The following MGST1 variants were observed in gnomAD, a reference collection of about 807,000 sequenced individuals.
MGST1 encodes the protein microsomal glutathione S-transferase 1.
MGST1 carries 5 observed loss-of-function variants against 8.9 expected under a neutral mutation model. The ratio of observed to expected loss-of-function variants is 0.56; its 90% CI spans 0.29 to 1.19. The LOEUF is 1.19. MGST1 is among the 50% of genes most tolerant of loss of function. The probability of loss-of-function intolerance (pLI) is 0.08; values close to 1 mark genes in which losing one functional copy is unlikely to be tolerated. For synonymous variants in MGST1, 54 were observed against 67.8 expected, an observed-to-expected ratio of 0.80 and a Z score of 1.00; for missense variants, 182 against 187.4, an observed-to-expected ratio of 0.97 and a Z score of 0.17.
chr12:16,444,182 G>GTTTTTT (rs1410059091), intron 4 of MGST1, among the ~76,000 whole-genome samples: 7 of 135,058 alleles, frequency 5.2e-5, no homozygotes, highest in Admixed American at 3.8e-4. Context: ...TGGCTGATTT[G>GTTTTTT]GTTTTTTTTT....
chr12:16,494,490 C>A (rs1591744618), intron 4 of MGST1, among the ~76,000 whole-genome samples: 1 of 152,114 alleles, frequency 6.6e-6, no homozygotes, highest in Admixed American at 6.6e-5. Flanking sequence ...CCTGGACTAA[C>A]AAACAGAAAT....
intron 1 of MGST1, chr12:16,399,865 A>C (rs935618943): frequency 4.0e-6 from 5 of 1,235,764 alleles, no homozygotes; most frequent in South Asian, 3.6e-5. Flanking sequence ...TTACCATATC[A>C]AAGTTCTTCA....
rs527783026 is a variant in MGST1, at chr12:16,459,268, T to A, written n.482+75664T>A. ...TTTTAAATCTCAAGAAGTGTGGGTA[T>A]AATAATATCATCACCTAAGAAACTT... On this transcript the variant is annotated intron_variant and non_coding_transcript_variant, in intron 4 of 4. Coordinates refer to the MGST1 transcript ENST00000538857. Among the ~76,000 whole-genome samples, 24 of 152,230 alleles carry A rather than the reference T, an allele frequency of 1.6e-4. No individual in the cohort carries two copies. In the South Asian group the frequency reaches 5.0e-3, roughly 32 times the overall value.
intron 4 of MGST1, among the ~76,000 whole-genome samples, chr12:16,506,335 A>G (rs187520453): frequency 5.3e-5 from 8 of 152,304 alleles, no homozygotes; most frequent in Admixed American, 5.2e-4. Flanking sequence ...TGAATATTTT[A>G]TAATGGGCAG....
intron 4 of MGST1, among the ~76,000 whole-genome samples, chr12:16,563,197 T>TGGAGA (rs1479033013): frequency 4.6e-5 from 7 of 152,154 alleles, no homozygotes; most frequent in African/African-American, 1.4e-4. Context: ...AGACTGAGTG[T>TGGAGA]GGAGATGCGG....
chr12:16,566,318 C>G (rs185758024), intron 4 of MGST1, among the ~76,000 whole-genome samples: 25 of 151,606 alleles, frequency 1.6e-4, no homozygotes, highest in Admixed American at 7.2e-4. Flanking sequence ...GAAATAAGTT[C>G]TGGTGTTCTG....
intron 4 of MGST1, among the ~76,000 whole-genome samples, chr12:16,545,689 T>C (rs1404664879): frequency 2.0e-5 from 3 of 152,086 alleles, no homozygotes; most frequent in African/African-American, 7.2e-5. Flanking sequence ...GAATCCTCTA[T>C]TCTTGGTACC....
At chr12:16,540,274 ATTTAT>A (rs1268321013) in intron 4 of MGST1, among the ~76,000 whole-genome samples, 1 of 151,908 alleles carries the variant, frequency 6.6e-6, no homozygotes, top group Non-Finnish European at 1.5e-5. Context: ...GATTGGCATA[ATTTAT>A]TTTATTTTTT....
In MGST1 at chr12:16,547,663, C is replaced by A. The variant is rs932365569; in HGVS notation, n.483-41865C>A. 3.3e-5 allele frequency among the ~76,000 whole-genome samples: 5 copies of A among 152,110 alleles called. No individual in the cohort carries two copies. Among genetic ancestry groups the A allele is most frequent in the Admixed American group, 6.5e-5 (1 of 15,270 alleles). ...TCAATTAAACTAATGACTATTAAATCTCTGCTTTCTATTACCTTAAATTAC... is the reference window on the plus strand; with the variant it reads ...TCAATTAAACTAATGACTATTAAATATCTGCTTTCTATTACCTTAAATTAC... On this transcript the variant is annotated intron_variant and non_coding_transcript_variant, in intron 4 of 4. Coordinates refer to the MGST1 transcript ENST00000538857. The surrounding 1 kb of genome is among the most constrained non-coding windows in gnomAD (Gnocchi z 4.6).
intron 4 of MGST1, among the ~76,000 whole-genome samples, chr12:16,471,735 C>A (rs1941290499): frequency 6.6e-6 from 1 of 152,122 alleles, no homozygotes; most frequent in Admixed American, 6.5e-5. Context: ...AAGAAAAATT[C>A]TATGCTGGGT....
At chr12:16,441,022 C>A (rs1206186844), downstream of MGST1, among the ~76,000 whole-genome samples, 1 of 151,712 alleles carries the variant, frequency 6.6e-6, no homozygotes, top group Non-Finnish European at 1.5e-5. Context: ...CTTTGGTAAA[C>A]CACCTCTTTA....
intron 4 of MGST1, among the ~76,000 whole-genome samples, chr12:16,489,680 G>T (rs1941426143): frequency 6.6e-6 from 1 of 152,108 alleles, no homozygotes; most frequent in African/African-American, 2.4e-5. Flanking sequence ...ATGTCTTGTT[G>T]AACATCATAT....
rs1477314631 is a variant in MGST1 at position 16,516,622 on chromosome 12, T to C, written n.483-72906T>C. On this transcript the variant is annotated intron_variant and non_coding_transcript_variant, in intron 4 of 4. Transcript: ENST00000538857. ...AAATTCTGTGGGCCCACATCACGAA[T>C]CTTGAGGTCAGAATATATCTAGAAT... Among the ~76,000 whole-genome samples, 3 of 152,130 alleles carry C rather than the reference T, an allele frequency of 2.0e-5. No individual in the cohort carries two copies. In the East Asian group the frequency reaches 5.8e-4, roughly 29 times the overall value.
chr12:16,414,452 G>GT (rs907317527), intron 1 of MGST1, among the ~76,000 whole-genome samples: 1 of 132,008 alleles, frequency 7.6e-6, no homozygotes, highest in African/African-American at 2.9e-5. Flanking sequence ...GTCTTGCTCT[G>GT]TTGCCCAGGC....
At chr12:16,575,212 T>C (rs1002591220) in intron 4 of MGST1, among the ~76,000 whole-genome samples, 3 of 152,178 alleles carry the variant, frequency 2.0e-5, no homozygotes, top group Non-Finnish European at 2.9e-5. Flanking sequence ...AATTCATAAA[T>C]AAACCCATAT....
chr12:16,428,742 G>C (rs1940914555), intron 1 of MGST1, among the ~76,000 whole-genome samples: 1 of 151,806 alleles, frequency 6.6e-6, no homozygotes, highest in Non-Finnish European at 1.5e-5. Context: ...TATGTCAGAT[G>C]GTTAAAAAGC....
At chr12:16,448,554 G>T (rs1370669168) in intron 4 of MGST1, among the ~76,000 whole-genome samples, 1 of 151,808 alleles carries the variant, frequency 6.6e-6, no homozygotes, top group Non-Finnish European at 1.5e-5. Flanking sequence ...CAAAAATATG[G>T]TTGAAAGCAA....
chr12:16,388,291 A>G (rs1383840091), intron 1 of MGST1, among the ~76,000 whole-genome samples: 1 of 151,622 alleles, frequency 6.6e-6, no homozygotes, highest in Non-Finnish European at 1.5e-5. Context: ...TAAAAATGGT[A>G]TACTTGTATA....
rs117134772 is a variant in MGST1 at position 16,529,351 on chromosome 12, A to T, written n.483-60177A>T. 1.3e-3 allele frequency among the ~76,000 whole-genome samples: 196 copies of T among 152,140 alleles called. 3 individuals carry two copies. In the East Asian group the frequency reaches 0.032, roughly 25 times the overall value. On this transcript the variant is annotated intron_variant and non_coding_transcript_variant, in intron 4 of 4. Coordinates refer to the MGST1 transcript ENST00000538857. ...TCTGCGAATTTAAGTGCCAAAAATA[A>T]TTATTGACTTATTTTGTGCCTTCTC... is the stretch of plus-strand genomic sequence containing the variant.
Sources: gnomAD v4.1 joint callset for allele counts (sites outside exome capture counted in the v4.1 genomes callset) on GRCh38, gnomAD v4.1.1 for gene constraint, Gnocchi (gnomAD v3.1) non-coding constraint, MANE v1.5 for transcripts, NCBI Gene and HGNC (gene_info 2026-07-23, HGNC 2026-07-21) for gene names.